Variants in ZNF385D observed in about 807,000 individuals in gnomAD.
ZNF385D encodes zinc finger protein 385D, also known as zinc finger protein 659.
Under a neutral mutation model 35.8 loss-of-function variants are expected in ZNF385D, and 15 were observed. The ratio of observed to expected loss-of-function variants is 0.42; its 90% CI spans 0.28 to 0.64. The LOEUF (loss-of-function observed/expected upper bound fraction) is 0.64. ZNF385D is among the 30% of genes least tolerant of loss of function. The pLI, the probability that ZNF385D is intolerant of heterozygous loss-of-function variation, is 0.23. For missense variants in ZNF385D, 474 were observed against 494.6 expected (o/e 0.96, Z 0.39); for synonymous variants, 212 against 186.8 (o/e 1.13, Z -1.10).
At chr3:22,228,336 A>G (rs1025557748) in intron 2 of ZNF385D, among the ~76,000 whole-genome samples, 1 of 152,096 alleles carries the variant, frequency 6.6e-6, no homozygotes. Context: ...TGCCACCCCT[A>G]TCAGCAGGTT....
intron 2 of ZNF385D, among the ~76,000 whole-genome samples, chr3:22,242,233 GA>G (rs199679970): frequency 6.7e-6 from 1 of 149,370 alleles, no homozygotes; most frequent in Non-Finnish European, 1.5e-5. Flanking sequence ...AATAATAAAA[GA>G]AAAAAAAATA....
chr3:22,009,296 A>G (rs1171135780), intron 3 of ZNF385D, among the ~76,000 whole-genome samples: 2 of 152,016 alleles, frequency 1.3e-5, no homozygotes, highest in Non-Finnish European at 2.9e-5. Flanking sequence ...GTATAGTTAT[A>G]CTATGGAATA....
intron 3 of ZNF385D, among the ~76,000 whole-genome samples, chr3:22,132,313 G>A (rs943059571): frequency 9.2e-5 from 14 of 152,046 alleles, no homozygotes; most frequent in East Asian, 1.9e-4. Context: ...ACTAAGAAAC[G>A]GACATTCATC....
chr3:22,314,492 T>A (rs555960804), intron 2 of ZNF385D, among the ~76,000 whole-genome samples: 1 of 152,084 alleles, frequency 6.6e-6, no homozygotes, highest in Non-Finnish European at 1.5e-5. Context: ...ATATATATAT[T>A]TATGCCACAG....
intron 4 of ZNF385D, among the ~76,000 whole-genome samples, chr3:21,452,505 G>A (rs926607766): frequency 7.9e-5 from 12 of 151,906 alleles, no homozygotes; most frequent in Non-Finnish European, 1.5e-4. Flanking sequence ...TAGATGACAT[G>A]ATCTTGTACA....
intron 2 of ZNF385D, among the ~76,000 whole-genome samples, chr3:22,264,308 A>G (rs1486266147): frequency 6.6e-6 from 1 of 152,062 alleles, no homozygotes; most frequent in Non-Finnish European, 1.5e-5. Context: ...AAGAGAAAGG[A>G]AGTTCACAGG....
intron 3 of ZNF385D, among the ~76,000 whole-genome samples, chr3:21,858,281 G>A (rs889434953): frequency 6.6e-6 from 1 of 151,984 alleles, no homozygotes; most frequent in African/African-American, 2.4e-5. Context: ...TGTTAAGGTA[G>A]GGAGGTAGCT....
chr3:21,543,791 A>G (rs2062271860), intron 3 of ZNF385D, among the ~76,000 whole-genome samples: 1 of 152,144 alleles, frequency 6.6e-6, no homozygotes, highest in Admixed American at 6.5e-5. Context: ...CCAGCCCCGC[A>G]GCTATCGCTG....
chr3:21,836,422 T>C (rs1006766915), intron 3 of ZNF385D, among the ~76,000 whole-genome samples: 6 of 152,110 alleles, frequency 3.9e-5, no homozygotes, highest in Non-Finnish European at 8.8e-5. Flanking sequence ...ATGAAGACTG[T>C]GAGAGTGAGG....
At chr3:22,036,772 T>A (rs1321774825) in intron 3 of ZNF385D, among the ~76,000 whole-genome samples, 1 of 150,966 alleles carries the variant, frequency 6.6e-6, no homozygotes, top group Non-Finnish European at 1.5e-5. Flanking sequence ...GCAAGTTTGC[T>A]ACATATGTAT....
At chr3:22,188,456 T>A (rs1372483901) in intron 2 of ZNF385D, among the ~76,000 whole-genome samples, 1 of 29,738 alleles carries the variant, frequency 3.4e-5, no homozygotes, top group East Asian at 4.9e-4. Context: ...TGTATACTAT[T>A]TTTTTTTTTT....
At position 21,631,952 on chromosome 3, in the gene ZNF385D, C is replaced by T. The variant is rs536230926; in HGVS notation, c.165+32934G>A. ...GGCGGATCCTTATTAATTTGGACTT[C>T]ATCTAAAATCCAAGCTTAAATAAGT... is the stretch of plus-strand genomic sequence containing the variant. On this transcript the variant is annotated intron_variant, in intron 2 of 7. Coordinates refer to ENST00000281523, the MANE Select transcript of ZNF385D (RefSeq NM_024697.3). Among the ~76,000 whole-genome samples, 10 of 152,220 alleles carry T rather than the reference C, an allele frequency of 6.6e-5. No homozygotes were observed. In the South Asian group the frequency reaches 1.9e-3, roughly 28 times the overall value.
chr3:22,176,472 A>G (rs1694839097), intron 2 of ZNF385D, among the ~76,000 whole-genome samples: 1 of 152,214 alleles, frequency 6.6e-6, no homozygotes, highest in South Asian at 2.1e-4. Flanking sequence ...ACATAAGGCA[A>G]ATGAAGGTTA....
At chr3:21,546,149 A>C (rs557016457) in intron 3 of ZNF385D, among the ~76,000 whole-genome samples, 2 of 152,288 alleles carry the variant, frequency 1.3e-5, no homozygotes, top group East Asian at 3.9e-4. Context: ...CTGTCATTAA[A>C]TTTGAAACTC....
chr3:21,636,702 C>T (rs1453851191), intron 2 of ZNF385D, among the ~76,000 whole-genome samples: 1 of 151,768 alleles, frequency 6.6e-6, no homozygotes, highest in Non-Finnish European at 1.5e-5. Context: ...AGCCCACTGA[C>T]TCAAATGTTA....
chr3:22,082,214 C>T (rs1279531817), intron 3 of ZNF385D, among the ~76,000 whole-genome samples: 3 of 152,084 alleles, frequency 2.0e-5, no homozygotes, highest in Non-Finnish European at 4.4e-5. Context: ...ACAGTGGATG[C>T]AGCCCACGGA....
At chr3:21,503,632 G>T (rs1327408235) in intron 4 of ZNF385D, among the ~76,000 whole-genome samples, 4 of 152,126 alleles carry the variant, frequency 2.6e-5, no homozygotes, top group Non-Finnish European at 5.9e-5. Context: ...GCTGGTTCAG[G>T]AGGGTAATGT....
intron 3 of ZNF385D, among the ~76,000 whole-genome samples, chr3:22,114,532 G>A (rs1272131000): frequency 6.6e-6 from 1 of 152,016 alleles, no homozygotes; most frequent in African/African-American, 2.4e-5. Context: ...TAGGTATTAG[G>A]GAAGAGAGAC....
At chr3:22,145,593 C>T (rs936074180) in intron 3 of ZNF385D, among the ~76,000 whole-genome samples, 4 of 152,162 alleles carry the variant, frequency 2.6e-5, no homozygotes, top group African/African-American at 9.7e-5. Context: ...GAATGAATGA[C>T]TCTACAGGAC....
Sources: allele counts gnomAD v4.1 joint callset (sites outside exome capture counted in the v4.1 genomes callset), GRCh38; gene constraint gnomAD v4.1.1; transcripts MANE v1.5; gene names NCBI Gene and HGNC (gene_info 2026-07-23, HGNC 2026-07-21).